Variants in PTGER3 observed in about 807,000 individuals in gnomAD.
The protein encoded by PTGER3 is prostaglandin E receptor 3.
A neutral mutation model predicts 34.7 loss-of-function variants in PTGER3; 22 were observed. The observed-to-expected ratio is 0.63, with a 90% CI of 0.45 to 0.91. The LOEUF is 0.91. Ranked by LOEUF, PTGER3 falls within the 40% of genes least tolerant of loss-of-function variation. The pLI, the probability that PTGER3 is intolerant of heterozygous loss-of-function variation, is 0.00. For synonymous variants in PTGER3, 241 were observed against 230.1 expected, an observed-to-expected ratio of 1.05 and a Z score of -0.43; for missense variants, 468 against 519.4, an observed-to-expected ratio of 0.90 and a Z score of 0.96.
chr1:71,012,573 A>G, intron 1 of PTGER3, 89 bp from the exon 2 acceptor site: 2 of 1,152,764 alleles, frequency 1.7e-6, no homozygotes, highest in Non-Finnish European at 2.5e-6. Context: ...GTTGGTTTTC[A>G]ATAAATTGGT....
chr1:70,986,389 G>A (rs1198542543), intron 2 of PTGER3, among the ~76,000 whole-genome samples: 1 of 152,054 alleles, frequency 6.6e-6, no homozygotes, highest in Non-Finnish European at 1.5e-5. Flanking sequence ...GATCTGGATT[G>A]GGACCCCTTT....
At chr1:71,025,390 A>G (rs375954556) in intron 1 of PTGER3, among the ~76,000 whole-genome samples, 2 of 152,066 alleles carry the variant, frequency 1.3e-5, no homozygotes, top group Non-Finnish European at 2.9e-5. Context: ...TATTGAATCT[A>G]TAAGAGGATA....
At position 70,940,883 on chromosome 1, in the gene PTGER3, A is replaced by G. The variant is rs139789107; in HGVS notation, c.*23+12880T>C. ...GATCTTGCATTTGGGTCTTAGATTC[A>G]TGTTTCTAACTCATGGTCACATGAT... On this transcript the variant is annotated intron_variant, in intron 4 of 4. Transcript: ENST00000370931. Among the ~76,000 whole-genome samples the G allele has an allele frequency of 4.6e-5, 7 of 152,302 alleles. No individual in the cohort carries two copies. The East Asian group carries it at 1.2e-3, about 25-fold the overall frequency.
chr1:70,913,796 A>C (rs1013192559), intron 4 of PTGER3, among the ~76,000 whole-genome samples: 2 of 151,832 alleles, frequency 1.3e-5, no homozygotes, highest in African/African-American at 4.8e-5. Context: ...TTTGAATGTT[A>C]AACAACCTTA....
chr1:70,872,726 T>C (rs1223444398), intron 4 of PTGER3, among the ~76,000 whole-genome samples: 1 of 152,220 alleles, frequency 6.6e-6, no homozygotes, highest in Non-Finnish European at 1.5e-5. Context: ...ATTGTTCTCA[T>C]AGTCTATTTT....
chr1:70,892,534 G>A (rs1335843955), intron 4 of PTGER3, among the ~76,000 whole-genome samples: 1 of 152,114 alleles, frequency 6.6e-6, no homozygotes, highest in Non-Finnish European at 1.5e-5. Flanking sequence ...CTCATCCCCT[G>A]TCTTCTTCCT....
At chr1:70,888,317 G>T (rs140401666) in intron 4 of PTGER3, among the ~76,000 whole-genome samples, 2 of 152,210 alleles carry the variant, frequency 1.3e-5, no homozygotes, top group South Asian at 2.1e-4. Context: ...TAAAGAGAGG[G>T]TTAGGGAAGT....
At chr1:70,862,336 A>G (rs1325251492) in intron 4 of PTGER3, 2 of 1,365,602 alleles carry the variant, frequency 1.5e-6, no homozygotes, top group Admixed American at 1.9e-5. Context: ...CAGATACTTC[A>G]TCCCAGGGTT....
chr1:70,859,664 T>A (rs1645883844), intron 4 of PTGER3, among the ~76,000 whole-genome samples: 1 of 152,182 alleles, frequency 6.6e-6, no homozygotes. Context: ...ATCTGTGTTA[T>A]TAAGACCTTG....
intron 4 of PTGER3, among the ~76,000 whole-genome samples, chr1:70,905,357 C>T (rs188880483): frequency 2.3e-4 from 35 of 152,178 alleles, no homozygotes; most frequent in African/African-American, 7.7e-4. Context: ...ATCCTCCACA[C>T]CCCAGAAAAA....
intron 4 of PTGER3, among the ~76,000 whole-genome samples, chr1:70,882,581 C>T (rs998635062): frequency 6.6e-6 from 1 of 152,176 alleles, no homozygotes; most frequent in African/African-American, 2.4e-5. Flanking sequence ...TGCTTTGGGG[C>T]CAAAGGCTTG....
chr1:70,976,049 T>C (rs1653662504), intron 2 of PTGER3, among the ~76,000 whole-genome samples: 1 of 152,098 alleles, frequency 6.6e-6, no homozygotes, highest in Non-Finnish European at 1.5e-5. Context: ...GGCTAAACTT[T>C]AGAAGCAGAC....
At position 70,960,247 on chromosome 1, in the gene PTGER3, T is replaced by C. The variant is rs111917160; in HGVS notation, c.1078-6458A>G. 4.1e-3 allele frequency among the ~76,000 whole-genome samples: 621 copies of C among 152,316 alleles called. 9 individuals are homozygous for C. Among genetic ancestry groups the C allele is most frequent in the African/African-American group, 0.014 (581 of 41,560 alleles). The stretch of plus-strand genomic sequence containing the variant: ...CCACTCAGCATGTGGTATTTCATGA[T>C]GTCAACCCTAAGAAACTAACACTAA... On this transcript the variant is annotated intron_variant, in intron 2 of 3. Transcript: ENST00000356595.
At chr1:70,864,635 A>G (rs1646001153) in intron 4 of PTGER3, among the ~76,000 whole-genome samples, 1 of 152,222 alleles carries the variant, frequency 6.6e-6, no homozygotes, top group African/African-American at 2.4e-5. Context: ...TGAACAAGAC[A>G]TAGTTCCCTC....
At chr1:70,988,607 A>T (rs1387397110) in intron 2 of PTGER3, among the ~76,000 whole-genome samples, 1 of 152,234 alleles carries the variant, frequency 6.6e-6, no homozygotes, top group African/African-American at 2.4e-5. Flanking sequence ...TGAGGATGTA[A>T]ACTAAGAATG....
intron 2 of PTGER3, among the ~76,000 whole-genome samples, chr1:71,005,309 G>C (rs976981420): frequency 6.6e-6 from 1 of 152,160 alleles, no homozygotes; most frequent in Non-Finnish European, 1.5e-5. Flanking sequence ...CTAAAGTTTA[G>C]TCCATTTGAC....
chr1:70,969,736 T>C (rs1652894078), downstream of PTGER3, among the ~76,000 whole-genome samples: 1 of 152,140 alleles, frequency 6.6e-6, no homozygotes, highest in African/African-American at 2.4e-5. Context: ...ATCCAAAGGA[T>C]GGTTGGGGTT....
At chr1:70,873,914 G>T (rs1055789100) in intron 4 of PTGER3, among the ~76,000 whole-genome samples, 2 of 152,000 alleles carry the variant, frequency 1.3e-5, no homozygotes, top group African/African-American at 4.8e-5. Flanking sequence ...GTCAGGACCT[G>T]GGAGGGAAGA....
Position 70,953,059 on chromosome 1 carries a change from A to G in PTGER3, c.1105T>C (p.Leu369=), listed in dbSNP as rs141042904. ...TGAGAGTTCTGCAAACTGCAGATTA[A>G]CTAACCACAGATCAAAATATTGAGA... Residue 369 remains leucine, a splice_region_variant and synonymous_variant, in exon 4 of 4, where the codon TTA becomes CTA. Transcript: ENST00000356595. 2,216 of 1,585,372 alleles carry G rather than the reference A, an allele frequency of 1.4e-3. 43 individuals are homozygous for G. The African/African-American group carries it at 0.027, about 19-fold the overall frequency.
Sources: allele counts gnomAD v4.1 joint callset (sites outside exome capture counted in the v4.1 genomes callset), GRCh38; gene constraint gnomAD v4.1.1; transcripts MANE v1.5; gene names NCBI Gene and HGNC (gene_info 2026-07-23, HGNC 2026-07-21).